NOP14: variants seen among roughly 807,000 people sequenced by gnomAD.
NOP14 encodes nucleolar protein 14.
NOP14 carries 57 observed loss-of-function variants against 101.6 expected under a neutral mutation model. The ratio of observed to expected loss-of-function variants is 0.56; its 90% CI spans 0.45 to 0.70. The LOEUF is 0.70. NOP14 is among the 30% of genes least tolerant of loss of function. The pLI, the probability that NOP14 is intolerant of heterozygous loss-of-function variation, is 0.00. For missense variants in NOP14, 1,134 were observed against 1,075.5 expected (o/e 1.05, Z -0.76); for synonymous variants, 428 against 424.0 (o/e 1.01, Z -0.12).
At chr4:2,956,626 C>G in intron 3 of NOP14, 44 bp downstream of exon 3, 1 of 1,571,288 alleles carries the variant, frequency 6.4e-7, no homozygotes, top group South Asian at 1.2e-5. Context: ...CAGACTCTCC[C>G]TGACTCCACG....
At chr4:2,954,055 A>ACT (rs1364459504) in intron 4 of NOP14, among the ~76,000 whole-genome samples, 1 of 152,116 alleles carries the variant, frequency 6.6e-6, no homozygotes, top group Non-Finnish European at 1.5e-5. Flanking sequence ...ACAAAAAGTA[A>ACT]TTAGCTGAGC....
At chr4:2,943,243 G>A (rs1019414329) in intron 13 of NOP14, among the ~76,000 whole-genome samples, 1 of 152,248 alleles carries the variant, frequency 6.6e-6, no homozygotes, top group Admixed American at 6.5e-5. Context: ...GACTCTGCTG[G>A]TGGTGTGAAT....
Position 2,945,199 on chromosome 4 carries a change from A to T in NOP14, c.1666T>A (p.Phe556Ile). 1 of 1,582,390 alleles carries T rather than the reference A, an allele frequency of 6.3e-7. No individual in the cohort carries two copies. Among genetic ancestry groups the T allele is most frequent in the South Asian group, 1.2e-5 (1 of 86,488 alleles). The change falls in exon 12 of 18, where the codon TTT becomes ATT. Residue 556 changes from phenylalanine to isoleucine, a missense_variant. Phe to Ile is a conservative substitution (Grantham distance 21, BLOSUM62 0). Transcript: ENST00000416614. ...GGGTGCCAGAAGTCGGAAGTTGGAA[A>T]TAGCAGCCCAGTGATTTTCAAATAA... ...LIYLKITGLL[F>I]PTSDFWHPVV... is the part of the protein sequence containing the mutation.
In NOP14 at chr4:2,945,132, G is replaced by A. The variant is rs1437706457; in HGVS notation, c.1733C>T (p.Thr578Ile). Residue 578 changes from threonine (T) to isoleucine (I), a missense_variant, in exon 12 of 18, where the codon ACC becomes ATC. Transcript: ENST00000416614. ...PALVCLSQLL[T>I]KCPILSLQDV... ...CCGCATGTGGAGAGAACGCACCTTG[G>A]TGAGCAGCTGACTGAGGCACACGAG... 4 of 1,582,460 alleles carry A rather than the reference G, an allele frequency of 2.5e-6. No individual in the cohort carries two copies. The highest frequency in any genetic ancestry group is 3.4e-6 in the Non-Finnish European group (4 of 1,163,782).
In NOP14 at chr4:2,938,156, A is replaced by G. The variant is rs534623843; in HGVS notation, c.*675T>C. The G allele has an allele frequency of 5.2e-5, 66 of 1,277,574 alleles. No homozygotes were observed. The African/African-American group carries it at 9.3e-4, about 18-fold the overall frequency. 79.1% of individuals were successfully genotyped at this position (1,277,574 alleles called of 1,614,324 possible). On this transcript the variant is annotated 3_prime_UTR_variant, in exon 18 of 18. Coordinates refer to ENST00000416614, the MANE Select transcript of NOP14 (RefSeq NM_001291978.2). ...CTATTTCATCAGGTGACGTTTTAAC[A>G]GAAACAAAACCGCAGGCAGCGGGTG... is the stretch of plus-strand genomic sequence containing the variant.
chr4:2,955,162 T>G, intron 3 of NOP14, among the ~76,000 whole-genome samples: 1 of 106,844 alleles, frequency 9.4e-6, no homozygotes. Flanking sequence ...GCGCCCCCTC[T>G]AGTCACCTGC....
intron 1 of NOP14, among the ~76,000 whole-genome samples, chr4:2,961,203 ATAATATAT>A (rs1239487721): frequency 0.19 from 96 of 518 alleles, 8 homozygotes; most frequent in Admixed American, 0.31. Context: ...TAATATTATA[ATAATATAT>A]TAATATATTA....
chr4:2,941,883 G>A lies in NOP14; in HGVS notation c.2052-154C>T, dbSNP rs372006219. On this transcript the variant is annotated intron_variant, in intron 14 of 17. Transcript: ENST00000416614. ...CCAGGGTTGGGCCCATGCAACCACG[G>A]GCAAGGCAGGCTCAGGGTCAGGCCT... 126 of 852,508 alleles carry A rather than the reference G, an allele frequency of 1.5e-4. 1 individual carries two copies. In the African/African-American group the frequency reaches 1.8e-3, roughly 12 times the overall value. The allele number at this position is 852,508 out of a possible 1,614,324, so 52.8% of individuals were successfully genotyped here. A position where few individuals can be genotyped will look rare whatever the true frequency, so the allele number is the denominator to read the frequency against.
At chr4:2,942,035 C>A in intron 14 of NOP14, 157 bp downstream of exon 14, 1 of 716,800 alleles carries the variant, frequency 1.4e-6, no homozygotes, top group Non-Finnish European at 2.3e-6. Context: ...AAAGGGACAG[C>A]AAGCCAACAT....
Position 2,952,264 on chromosome 4 carries a change from T to C in NOP14, c.870+11A>G, listed in dbSNP as rs1463062228. ...CAGCACAGCCCTGCTCCTGAGGTGC[T>C]GCCACCCTACCTCCAGCTTCCTGAG... On this transcript the variant is annotated intron_variant, in intron 6 of 17. Transcript: ENST00000416614. 6.2e-7 allele frequency: 1 copy of C among 1,612,798 alleles called. No individual in the cohort carries two copies. Among genetic ancestry groups the C allele is most frequent in the Non-Finnish European group, 8.5e-7 (1 of 1,179,714 alleles).
chr4:2,960,696 C>T (rs1424473946), intron 1 of NOP14, among the ~76,000 whole-genome samples: 2 of 133,016 alleles, frequency 1.5e-5, no homozygotes, highest in South Asian at 4.5e-4. Flanking sequence ...ATTATAATCA[C>T]ATTAATATTA....
At chr4:2,961,106 TTAA>T (rs1278452126) in intron 1 of NOP14, among the ~76,000 whole-genome samples, 8 of 37,902 alleles carry the variant, frequency 2.1e-4, no homozygotes, top group Non-Finnish European at 3.7e-4. Flanking sequence ...TATTAATATT[TTAA>T]TAATATATTA....
chr4:2,939,953 T>A (rs1304646547), intron 15 of NOP14, among the ~76,000 whole-genome samples: 1 of 152,228 alleles, frequency 6.6e-6, no homozygotes, highest in African/African-American at 2.4e-5. Flanking sequence ...CCATAGCCTG[T>A]GCTCCTCACA....
intron 1 of NOP14, among the ~76,000 whole-genome samples, chr4:2,959,672 T>A (rs1715598863): frequency 6.6e-6 from 1 of 152,118 alleles, no homozygotes; most frequent in Non-Finnish European, 1.5e-5. Context: ...ACAGCGAGTG[T>A]CCCCAGATAG....
Position 2,959,982 on chromosome 4 carries a change from T to C in NOP14, c.196-2242A>G, listed in dbSNP as rs1030544468. 1.3e-4 allele frequency among the ~76,000 whole-genome samples: 19 copies of C among 151,962 alleles called. 1 individual carries two copies. Among genetic ancestry groups the C allele is most frequent in the African/African-American group, 4.1e-4 (17 of 41,348 alleles). On this transcript the variant is annotated intron_variant, in intron 1 of 17. Coordinates refer to ENST00000416614, the MANE Select transcript of NOP14 (RefSeq NM_001291978.2). ...TGCTACACTGAGACCTTTTTTTTTT[T>C]TTTTAAAGATGGAATCTCGCTCTGT...
intron 10 of NOP14, 140 bp downstream of exon 10, chr4:2,947,386 T>TGACC (rs1714730414): frequency 1.5e-6 from 1 of 660,822 alleles, no homozygotes; most frequent in South Asian, 1.9e-5. Context: ...AAGCCCTGGG[T>TGACC]GACCACCTGC....
intron 1 of NOP14, chr4:2,961,248 A>T (rs1715866018): frequency 6.8e-6 from 1 of 146,402 alleles, no homozygotes; most frequent in African/African-American, 2.5e-5. Flanking sequence ...AATATATAGT[A>T]ACTATATTAA....
In NOP14 at chr4:2,942,253, G is replaced by T; in HGVS notation, c.1990C>A (p.Leu664Ile). The change falls in exon 14 of 18, where the codon CTC becomes ATC. Residue 664 changes from leucine to isoleucine, a missense_variant. By Grantham distance (5) the Leu-to-Ile change is conservative. Coordinates refer to ENST00000416614, the MANE Select transcript of NOP14 (RefSeq NM_001291978.2). The stretch of plus-strand genomic sequence containing the variant: ...AGTCTACTCGCCCAGCGGAGGGAGA[G>T]GCTGCTCTGCTGCCACGTGGCCACA... ...EDVATWQQSS[L>I]SLRWASRLRA... 1 of 1,614,118 alleles carries T rather than the reference G, an allele frequency of 6.2e-7. No individual in the cohort carries two copies. Among genetic ancestry groups the T allele is most frequent in the Non-Finnish European group, 8.5e-7 (1 of 1,180,012 alleles).
At chr4:2,961,202 A>ATAATATT (rs1553864838) in intron 1 of NOP14, among the ~76,000 whole-genome samples, 6 of 102,120 alleles carry the variant, frequency 5.9e-5, no homozygotes, top group African/African-American at 2.7e-4. Flanking sequence ...CTAATATTAT[A>ATAATATT]ATAATATATT....
Sources: allele counts gnomAD v4.1 joint callset (sites outside exome capture counted in the v4.1 genomes callset), GRCh38; gene constraint gnomAD v4.1.1; transcripts MANE v1.5; gene names NCBI Gene and HGNC (gene_info 2026-07-23, HGNC 2026-07-21).